The following FRMD3 variants were observed in gnomAD, a reference collection of about 807,000 sequenced individuals.
FRMD3 encodes FERM domain-containing protein 3.
FRMD3 carries 33 observed loss-of-function variants against 70.2 expected under a neutral mutation model. The ratio of observed to expected loss-of-function variants is 0.47; its 90% confidence interval spans 0.36 to 0.63. The LOEUF is 0.63. FRMD3 is among the 20% of genes least tolerant of loss of function. The pLI is 0.00. For missense variants in FRMD3, 632 were observed against 711.4 expected, an observed-to-expected ratio of 0.89 and a Z score of 1.27; for synonymous variants, 279 against 255.9, an observed-to-expected ratio of 1.09 and a Z score of -0.86.
At chr9:83,342,647 T>TAC (rs1823801423) in intron 5 of FRMD3, among the ~76,000 whole-genome samples, 2 of 151,880 alleles carry the variant, frequency 1.3e-5, no homozygotes, top group African/African-American at 4.8e-5. Context: ...TGTATACACA[T>TAC]ACACACACGA....
intron 1 of FRMD3, chr9:83,467,681 G>A (rs781280141): frequency 3.9e-5 from 60 of 1,535,016 alleles, no homozygotes; most frequent in Non-Finnish European, 4.8e-5. Flanking sequence ...TTGCAGTGCC[G>A]TGATCTGCTA....
intron 1 of FRMD3, among the ~76,000 whole-genome samples, chr9:83,489,331 G>A (rs1409288223): frequency 1.3e-5 from 2 of 151,908 alleles, no homozygotes; most frequent in East Asian, 1.9e-4. Context: ...CCTACAGAGT[G>A]GAAGAAAATA....
intron 1 of FRMD3, among the ~76,000 whole-genome samples, chr9:83,471,790 TG>T (rs370694904): frequency 7.0e-4 from 107 of 152,320 alleles, no homozygotes; most frequent in African/African-American, 2.4e-3. Flanking sequence ...TGTGATGAAA[TG>T]GCTGCTGTTT....
Position 83,538,000 on chromosome 9 carries a change from T to A in FRMD3, c.147+85A>T. ...TCCCCCAATCCCCTCCGGGAGTGGG[T>A]TCCTTGTTCTCGCATGCCCACCGCA... On this transcript the variant is annotated intron_variant, in intron 1 of 13. Transcript: ENST00000304195. The surrounding 1 kb of genome is among the most constrained non-coding windows in gnomAD (Gnocchi z 4.1). 1 of 1,475,880 alleles carries A rather than the reference T, an allele frequency of 6.8e-7. No homozygotes were observed. Among genetic ancestry groups the A allele is most frequent in the Non-Finnish European group, 9.3e-7 (1 of 1,078,318 alleles). 91.4% of individuals were successfully genotyped at this position (1,475,880 alleles called of 1,614,324 possible).
intron 1 of FRMD3, among the ~76,000 whole-genome samples, chr9:83,441,756 G>A (rs117172755): frequency 3.8e-4 from 58 of 152,172 alleles, no homozygotes; most frequent in Non-Finnish European, 5.4e-4. Context: ...ACCCTCCCTC[G>A]GTTGTTATCT....
chr9:83,313,681 C>T lies in FRMD3; in HGVS notation c.663G>A (p.Gly221=). The change falls in exon 7 of 14, where the codon GGG becomes GGA. Residue 221 remains glycine (G), a synonymous_variant. Transcript: ENST00000304195. ...LLKAHTLETY[G]VDPHPCKDST... ...TTACCTTGCATGGGTGAGGATCCAC[C>T]CCGTAGGTTTCCAAAGTGTGAGCTT... The T allele has an allele frequency of 1.2e-6, 2 of 1,613,984 alleles. No homozygotes were observed. The highest frequency in any genetic ancestry group is 1.7e-6 in the Non-Finnish European group (2 of 1,179,896).
At chr9:83,333,234 G>A (rs1823452437) in intron 6 of FRMD3, among the ~76,000 whole-genome samples, 1 of 152,156 alleles carries the variant, frequency 6.6e-6, no homozygotes, top group Non-Finnish European at 1.5e-5. Flanking sequence ...TCCTTGCAAG[G>A]TGATATGATT....
downstream of FRMD3, chr9:83,243,176 C>T: frequency 6.5e-7 from 1 of 1,549,788 alleles, no homozygotes; most frequent in Non-Finnish European, 8.7e-7. Flanking sequence ...GCTGAGCTCA[C>T]CACGGGCAGG....
At chr9:83,297,952 C>A (rs762391549) in intron 12 of FRMD3, 2 of 428,500 alleles carry the variant, frequency 4.7e-6, no homozygotes, top group South Asian at 1.7e-5. Flanking sequence ...CCCCAAGGGA[C>A]AGGGTGGAGA....
rs538621200 is a variant in FRMD3, at chr9:83,443,452, G to T, written c.148-53744C>A. On this transcript the variant is annotated intron_variant, in intron 1 of 13. Coordinates refer to ENST00000304195, the MANE Select transcript of FRMD3 (RefSeq NM_174938.6). ...GATGGTTTCCAGCTTCACCCATGTC[G>T]CTACAAAGGACATGAACTCATCCTT... Among the ~76,000 whole-genome samples, 3 of 152,242 alleles carry T rather than the reference G, an allele frequency of 2.0e-5. No homozygotes were observed. In the East Asian group the frequency reaches 5.8e-4, roughly 29 times the overall value.
At chr9:83,557,421 A>G in the FRMD3 span, among the ~76,000 whole-genome samples, 2 of 152,242 alleles carry the variant, frequency 1.3e-5, no homozygotes, top group Non-Finnish European at 2.9e-5. Context: ...AATGCCACAC[A>G]AATGCAGAAT....
chr9:83,332,012 G>A (rs193217078), intron 6 of FRMD3: 94 of 654,850 alleles, frequency 1.4e-4, no homozygotes, highest in Non-Finnish European at 1.6e-4. Flanking sequence ...GCAAATCCAA[G>A]TTTCTGACTT....
chr9:83,335,612 T>G lies in FRMD3; in HGVS notation c.500A>C (p.Glu167Ala). Residue 167 changes from glutamate to alanine, a missense_variant, in exon 6 of 14, where the codon GAG becomes GCG. By Grantham distance (107) the Glu-to-Ala change is moderately radical. Around this residue, in one of 3 missense-constraint regions of FRMD3, gnomAD observed 208 missense variants for 247.7 expected, o/e 0.84. Coordinates refer to ENST00000304195, the MANE Select transcript of FRMD3 (RefSeq NM_174938.6). The part of the protein sequence containing the change: ...QAELGDYDPD[E>A]HPENYISEFE... ...CTCACTGATGTAATTCTCAGGATGC[T>G]CATCAGGATCGTAATCACCAAGCTC... is the stretch of plus-strand genomic sequence containing the variant. The G allele has an allele frequency of 6.2e-7, 1 of 1,613,022 alleles. No homozygotes were observed. The highest frequency in any genetic ancestry group is 2.2e-5 in the East Asian group (1 of 44,864).
intron 6 of FRMD3, among the ~76,000 whole-genome samples, chr9:83,334,453 A>C (rs549441076): frequency 2.6e-5 from 4 of 152,230 alleles, no homozygotes; most frequent in South Asian, 2.1e-4. Flanking sequence ...TAAAGGAGGG[A>C]GCTAGAACAA....
the FRMD3 span, among the ~76,000 whole-genome samples, chr9:83,574,172 T>C: frequency 6.6e-6 from 1 of 152,186 alleles, no homozygotes; most frequent in Middle Eastern, 3.2e-3. Context: ...GAACCACTGC[T>C]CTCCATTCAG....
At chr9:83,263,129 T>C (rs559342425) in intron 13 of FRMD3, among the ~76,000 whole-genome samples, 2 of 152,344 alleles carry the variant, frequency 1.3e-5, no homozygotes, top group Non-Finnish European at 2.9e-5. Context: ...AGCCGTCCTA[T>C]GGTGCTGACA....
chr9:83,299,328 A>T (rs1359168), intron 10 of FRMD3, 142 bp from the exon 11 acceptor site: 1 of 583,256 alleles, frequency 1.7e-6, no homozygotes, highest in South Asian at 2.3e-5. Context: ...TGTGCACACA[A>T]AATATAAGAA....
intron 13 of FRMD3, among the ~76,000 whole-genome samples, chr9:83,253,043 A>C (rs1490446220): frequency 6.6e-6 from 1 of 152,202 alleles, no homozygotes; most frequent in Non-Finnish European, 1.5e-5. Context: ...ATATCTACAG[A>C]AATCTCCACC....
At chr9:83,567,767 T>C in the FRMD3 span, among the ~76,000 whole-genome samples, 2 of 152,218 alleles carry the variant, frequency 1.3e-5, no homozygotes, top group Admixed American at 1.3e-4. Context: ...CTCATCTCTA[T>C]ATGAGACCAC....
Sources: gnomAD v4.1 joint callset for allele counts (sites outside exome capture counted in the v4.1 genomes callset) on GRCh38, gnomAD v4.1.1 for gene constraint, gnomAD v4.1.1 regional missense constraint, Gnocchi (gnomAD v3.1) non-coding constraint, MANE v1.5 for transcripts, NCBI Gene and HGNC (gene_info 2026-07-23, HGNC 2026-07-21) for gene names.